The following KDM2A variants were observed in gnomAD, a reference collection of about 807,000 sequenced individuals.
KDM2A encodes the protein lysine-specific demethylase 2A.
Under a neutral mutation model 137.3 loss-of-function variants are expected in KDM2A, and 3 were observed. The ratio of observed to expected loss-of-function variants is 0.02; its 90% CI spans 0.01 to 0.06. The LOEUF (loss-of-function observed/expected upper bound fraction) is 0.06. Among genes scored for constraint, KDM2A ranks in the 10% least tolerant of loss-of-function variants. The pLI is 1.00. For synonymous variants in KDM2A, 512 were observed against 541.5 expected, an observed-to-expected ratio of 0.95 and a Z score of 0.76; for missense variants, 738 against 1,510.6, an observed-to-expected ratio of 0.49 and a Z score of 8.48.
At chr11:67,201,901 G>A (rs1468428048) in intron 5 of KDM2A, among the ~76,000 whole-genome samples, 1 of 151,530 alleles carries the variant, frequency 6.6e-6, no homozygotes, top group African/African-American at 2.4e-5. Flanking sequence ...GTTGCAATGA[G>A]CTCTGATCTT....
At position 67,124,456 on chromosome 11, in the gene KDM2A, C is replaced by T. The variant is rs140403811; in HGVS notation, c.42+3098C>T. Reference sequence around the variant, plus strand: ...CCTCCCAAGTAGCTGCGATTACAGGCGCCTGCCACCATGCCCGGCTAATTT... The same window carrying T: ...CCTCCCAAGTAGCTGCGATTACAGGTGCCTGCCACCATGCCCGGCTAATTT... On this transcript the variant is annotated intron_variant, in intron 2 of 20. Transcript: ENST00000529006. Among the ~76,000 whole-genome samples the T allele has an allele frequency of 8.5e-4, 129 of 151,914 alleles. 2 individuals are homozygous for T. The highest frequency in any genetic ancestry group is 2.7e-3 in the African/African-American group (113 of 41,462).
chr11:67,168,655 ACACACACACG>A (rs1856807609), intron 2 of KDM2A, among the ~76,000 whole-genome samples: 7 of 145,506 alleles, frequency 4.8e-5, no homozygotes, highest in Non-Finnish European at 9.1e-5. Context: ...ACACACACAC[ACACACACACG>A]GTCGGGGGGA....
chr11:67,163,004 G>A (rs1326558366), intron 2 of KDM2A, among the ~76,000 whole-genome samples: 1 of 152,148 alleles, frequency 6.6e-6, no homozygotes, highest in Non-Finnish European at 1.5e-5. Flanking sequence ...GCCACCAAGC[G>A]TGGCCATGAT....
chr11:67,192,313 C>T (rs1019825538), intron 5 of KDM2A, among the ~76,000 whole-genome samples: 1 of 151,814 alleles, frequency 6.6e-6, no homozygotes, highest in African/African-American at 2.4e-5. Context: ...ACAAATCATT[C>T]TGCAACTTGC....
intron 11 of KDM2A, among the ~76,000 whole-genome samples, chr11:67,228,939 G>A (rs756883512): frequency 1.3e-5 from 2 of 152,108 alleles, no homozygotes; most frequent in Middle Eastern, 3.4e-3. Flanking sequence ...TGCCCAGGCC[G>A]GTCTTAAACT....
Position 67,202,753 on chromosome 11 carries a change from G to C in KDM2A, c.308-4757G>C, listed in dbSNP as rs1041643498. Among the ~76,000 whole-genome samples, 6 of 150,860 alleles carry C rather than the reference G, an allele frequency of 4.0e-5. No individual in the cohort carries two copies. In the Admixed American group the frequency reaches 4.0e-4, roughly 10 times the overall value. On this transcript the variant is annotated intron_variant, in intron 5 of 20. Coordinates refer to ENST00000529006, the MANE Select transcript of KDM2A (RefSeq NM_012308.3). ...ATCGCGCCACTACGCTCCAGCCTGG[G>C]CGACAGAGCGAGACTTCGTCTCAAA...
intron 2 of KDM2A, among the ~76,000 whole-genome samples, chr11:67,125,427 C>T (rs752391526): frequency 5.9e-5 from 9 of 151,676 alleles, no homozygotes; most frequent in South Asian, 2.1e-4. Flanking sequence ...ACGATCTGCC[C>T]GCCTTGGCCT....
chr11:67,222,714 T>C (rs554778528), intron 10 of KDM2A, among the ~76,000 whole-genome samples: 15 of 145,188 alleles, frequency 1.0e-4, no homozygotes, highest in Non-Finnish European at 7.5e-5. Flanking sequence ...ATTCTAAGAT[T>C]CAGTCTGAAA....
chr11:67,231,030 C>T (rs147571357), intron 11 of KDM2A, among the ~76,000 whole-genome samples: 4 of 151,504 alleles, frequency 2.6e-5, no homozygotes, highest in Admixed American at 6.6e-5. Context: ...GATCGCAGCT[C>T]ACTGCAGCCT....
chr11:67,120,675 A>AT, intron 1 of KDM2A, among the ~76,000 whole-genome samples: 1 of 152,260 alleles, frequency 6.6e-6, no homozygotes, highest in South Asian at 2.1e-4. Context: ...TTTGGGAATG[A>AT]TAAGATCCGG....
chr11:67,208,891 G>A (rs751872758), intron 6 of KDM2A, among the ~76,000 whole-genome samples: 5 of 151,884 alleles, frequency 3.3e-5, no homozygotes, highest in Non-Finnish European at 7.4e-5. Context: ...TCAGCCTGGG[G>A]AATGTCACGA....
At chr11:67,251,922 C>G (rs1859440338) in intron 17 of KDM2A, among the ~76,000 whole-genome samples, 1 of 152,190 alleles carries the variant, frequency 6.6e-6, no homozygotes, top group African/African-American at 2.4e-5. Flanking sequence ...TCTTGGTTTT[C>G]AGGGCAAGGC....
At chr11:67,252,547 G>A (rs1431718560) in intron 17 of KDM2A, 147 bp from the exon 18 acceptor site, 4 of 895,738 alleles carry the variant, frequency 4.5e-6, no homozygotes, top group Admixed American at 2.1e-5. Context: ...ATTCTGTGAG[G>A]CAAAAAATGA....
At chr11:67,197,279 TC>T (rs1857506162) in intron 5 of KDM2A, 1 of 151,890 alleles carries the variant, frequency 6.6e-6, no homozygotes, top group African/African-American at 2.4e-5. Flanking sequence ...GCTCAAGCGA[TC>T]CTCCCACCTC....
At chr11:67,196,134 C>T (rs1857475832) in intron 5 of KDM2A, 1 of 387,544 alleles carries the variant, frequency 2.6e-6, no homozygotes, top group Non-Finnish European at 5.2e-6. Context: ...CATAGTCACC[C>T]ATATTAGGGC....
At chr11:67,186,647 T>G (rs145116167) in intron 5 of KDM2A, among the ~76,000 whole-genome samples, 6 of 152,232 alleles carry the variant, frequency 3.9e-5, no homozygotes, top group Non-Finnish European at 8.8e-5. Flanking sequence ...CCTTTTTGTT[T>G]TCTCCATAGT....
rs985976201 is a variant in KDM2A at position 67,257,641 on chromosome 11, T to C, written c.*2586T>C. On this transcript the variant is annotated 3_prime_UTR_variant, in exon 21 of 21. Coordinates refer to ENST00000529006, the MANE Select transcript of KDM2A (RefSeq NM_012308.3). ...GGTGATTAAAAAAATAACTGCTCCA[T>C]AAATAAAACTCCTAAAGTCACTTAT... is the stretch of plus-strand genomic sequence containing the variant. The C allele has an allele frequency of 1.3e-5, 2 of 152,278 alleles. No individual in the cohort carries two copies. Among genetic ancestry groups the C allele is most frequent in the Non-Finnish European group, 1.5e-5 (1 of 68,022 alleles). The allele number at this position is 152,278 out of a possible 1,614,324, so 9.4% of individuals were successfully genotyped here. A position where few individuals can be genotyped will look rare whatever the true frequency, so the allele number is the denominator to read the frequency against.
chr11:67,154,251 G>T (rs1378762048), intron 2 of KDM2A, among the ~76,000 whole-genome samples: 3 of 152,140 alleles, frequency 2.0e-5, no homozygotes, highest in Admixed American at 2.0e-4. Context: ...AATAAGAATG[G>T]TTTTTACGTC....
chr11:67,215,711 T>C, intron 7 of KDM2A, 145 bp from the exon 8 acceptor site: 1 of 723,906 alleles, frequency 1.4e-6, no homozygotes. Context: ...TGTGATGACT[T>C]GAAAATGCAT....
Sources: gnomAD v4.1 joint callset for allele counts (sites outside exome capture counted in the v4.1 genomes callset) on GRCh38, gnomAD v4.1.1 for gene constraint, MANE v1.5 for transcripts, NCBI Gene and HGNC (gene_info 2026-07-23, HGNC 2026-07-21) for gene names.